The following KCNH5 variants were observed in gnomAD, a reference collection of about 807,000 sequenced individuals.
The protein encoded by KCNH5 is voltage-gated delayed rectifier potassium channel KCNH5.
Under a neutral mutation model 96.1 loss-of-function variants are expected in KCNH5, and 46 were observed. The observed-to-expected ratio is 0.48, with a 90% CI of 0.38 to 0.61. The LOEUF (loss-of-function observed/expected upper bound fraction) is 0.61, where lower values mean the gene tolerates loss of function less well. KCNH5 is among the 20% of genes least tolerant of loss of function. KCNH5 has a pLI of 0.00. For missense variants in KCNH5, 907 were observed against 1,225.8 expected, an observed-to-expected ratio of 0.74 and a Z score of 3.88; for synonymous variants, 439 against 449.8, an observed-to-expected ratio of 0.98 and a Z score of 0.30.
At chr14:62,806,016 C>A (rs1033600129) in intron 8 of KCNH5, among the ~76,000 whole-genome samples, 5 of 152,096 alleles carry the variant, frequency 3.3e-5, no homozygotes, top group Non-Finnish European at 7.4e-5. Flanking sequence ...ACAAGATACA[C>A]CTCGTAAAGA....
intron 10 of KCNH5, among the ~76,000 whole-genome samples, chr14:62,729,900 G>A (rs905509822): frequency 6.6e-6 from 1 of 152,152 alleles, no homozygotes; most frequent in Non-Finnish European, 1.5e-5. Context: ...GAGGCCCTGG[G>A]TCCCTGAATC....
At chr14:62,936,598 C>T (rs902333387) in intron 7 of KCNH5, among the ~76,000 whole-genome samples, 1 of 150,016 alleles carries the variant, frequency 6.7e-6, no homozygotes, top group Non-Finnish European at 1.5e-5. Flanking sequence ...TTGCTTCAAC[C>T]TGGGAGGAGG....
intron 7 of KCNH5, among the ~76,000 whole-genome samples, chr14:62,906,776 T>C (rs188601865): frequency 7.8e-4 from 119 of 152,318 alleles, no homozygotes; most frequent in Non-Finnish European, 1.4e-3. Context: ...TCTCATTTTA[T>C]GGTGACATCC....
chr14:62,878,473 T>C (rs79289604), intron 7 of KCNH5, among the ~76,000 whole-genome samples: 20,614 of 152,118 alleles, frequency 0.14, 1,628 homozygotes, highest in East Asian at 0.28. Flanking sequence ...ATTGGACTTC[T>C]TGACAATTTA....
intron 1 of KCNH5, among the ~76,000 whole-genome samples, chr14:63,032,409 A>AC (rs1891646739): frequency 2.0e-5 from 3 of 152,106 alleles, no homozygotes; most frequent in Admixed American, 2.0e-4. Flanking sequence ...TCAAGTATCG[A>AC]CCCACCCTTC....
chr14:62,912,806 T>C (rs1288518439), intron 7 of KCNH5, among the ~76,000 whole-genome samples: 1 of 152,180 alleles, frequency 6.6e-6, no homozygotes, highest in Non-Finnish European at 1.5e-5. Context: ...CCACTTTAAG[T>C]GTGGAAAATG....
chr14:62,991,130 T>G (rs1222956340), intron 4 of KCNH5, among the ~76,000 whole-genome samples: 1 of 152,072 alleles, frequency 6.6e-6, no homozygotes, highest in African/African-American at 2.4e-5. Context: ...GATCTGTTTT[T>G]GTGGAATGTT....
chr14:62,784,001 T>C (rs989092744), intron 9 of KCNH5, among the ~76,000 whole-genome samples: 1 of 151,240 alleles, frequency 6.6e-6, no homozygotes, highest in South Asian at 2.1e-4. Flanking sequence ...TATATGTTAT[T>C]ATATATAATT....
At chr14:63,029,907 C>T in intron 1 of KCNH5, among the ~76,000 whole-genome samples, 1 of 151,728 alleles carries the variant, frequency 6.6e-6, no homozygotes, top group East Asian at 1.9e-4. Context: ...AAATTGCTTC[C>T]CAGAAAATTT....
At chr14:62,831,151 T>C (rs776326243) in intron 8 of KCNH5, among the ~76,000 whole-genome samples, 49 of 152,312 alleles carry the variant, frequency 3.2e-4, no homozygotes, top group Middle Eastern at 3.4e-3. Context: ...TGGTGGCTAT[T>C]TGTTCTCCTC....
rs190879230 is a variant in KCNH5 at position 62,983,844 on chromosome 14, T to C, written c.550-2580A>G. On this transcript the variant is annotated intron_variant, in intron 5 of 10. Transcript: ENST00000322893. ...TTACAATGTACAGCCCAAGGTAAGA[T>C]ATCTGTCTTACATTTCTTTAGACAT... Among the ~76,000 whole-genome samples the C allele has an allele frequency of 3.7e-4, 57 of 152,298 alleles. No homozygotes were observed. In the East Asian group the frequency reaches 9.3e-3, roughly 25 times the overall value.
intron 7 of KCNH5, among the ~76,000 whole-genome samples, chr14:62,928,386 T>C (rs1026563590): frequency 6.6e-6 from 1 of 152,106 alleles, no homozygotes; most frequent in Non-Finnish European, 1.5e-5. Context: ...TACCAAAAGA[T>C]TATGACTGAC....
chr14:62,873,761 T>C (rs1481599070), intron 7 of KCNH5, among the ~76,000 whole-genome samples: 1 of 152,114 alleles, frequency 6.6e-6, no homozygotes, highest in Non-Finnish European at 1.5e-5. Flanking sequence ...GGTCTAGAAA[T>C]AACAAGAAAT....
chr14:62,972,435 G>T (rs928373519), intron 6 of KCNH5, among the ~76,000 whole-genome samples: 1 of 152,170 alleles, frequency 6.6e-6, no homozygotes. Context: ...TTGGAAAACA[G>T]ACAGTTTGAA....
intron 2 of KCNH5, among the ~76,000 whole-genome samples, chr14:63,007,749 T>C (rs1891153511): frequency 6.6e-6 from 1 of 152,118 alleles, no homozygotes; most frequent in Non-Finnish European, 1.5e-5. Context: ...TTTCTTAAGA[T>C]AGGTACAAGT....
chr14:62,798,084 T>G (rs996879659), intron 9 of KCNH5, among the ~76,000 whole-genome samples: 2 of 152,138 alleles, frequency 1.3e-5, no homozygotes, highest in African/African-American at 4.8e-5. Flanking sequence ...AAGACTCTCT[T>G]TCGTATTAAG....
intron 10 of KCNH5, among the ~76,000 whole-genome samples, chr14:62,737,415 G>C (rs1290495241): frequency 6.6e-6 from 1 of 152,102 alleles, no homozygotes; most frequent in African/African-American, 2.4e-5. Flanking sequence ...TAATTCCTGG[G>C]TTCTATACCC....
chr14:62,840,566 C>CTTTTTTTTTTT (rs71120238), intron 8 of KCNH5, among the ~76,000 whole-genome samples: 20 of 76,366 alleles, frequency 2.6e-4, no homozygotes, highest in South Asian at 5.8e-4. Context: ...TCTTTTTTTT[C>CTTTTTTTTTTT]TTTTTTTTTT....
intron 6 of KCNH5, among the ~76,000 whole-genome samples, chr14:62,964,823 T>C (rs938035679): frequency 6.6e-6 from 1 of 152,092 alleles, no homozygotes; most frequent in African/African-American, 2.4e-5. Context: ...TAAGCACCAA[T>C]TATCAAATGA....
Sources: gnomAD v4.1 joint callset for allele counts (sites outside exome capture counted in the v4.1 genomes callset) on GRCh38, gnomAD v4.1.1 for gene constraint, MANE v1.5 for transcripts, NCBI Gene and HGNC (gene_info 2026-07-23, HGNC 2026-07-21) for gene names.